CEP43: variants seen among roughly 807,000 people sequenced by gnomAD.
CEP43 encodes centrosomal protein 43, also known as FGFR1 oncogene partner.
CEP43 carries 36 observed loss-of-function variants against 52.6 expected under a neutral mutation model. The observed-to-expected ratio is 0.68, with a 90% confidence interval of 0.52 to 0.90. The LOEUF (loss-of-function observed/expected upper bound fraction) is 0.90, where lower values mean the gene tolerates loss of function less well. Among genes scored for constraint, CEP43 ranks in the 40% least tolerant of loss-of-function variants. The pLI, the probability that CEP43 is intolerant of heterozygous loss-of-function variation, is 0.00. For missense variants in CEP43, 506 were observed against 472.8 expected (o/e 1.07, Z -0.65); for synonymous variants, 192 against 172.4 (o/e 1.11, Z -0.89).
intron 1 of CEP43, 106 bp from the exon 2 acceptor site, chr6:166,999,954 C>A: frequency 1.1e-6 from 1 of 901,844 alleles, no homozygotes; most frequent in Non-Finnish European, 1.8e-6. Context: ...TTTGCACCTG[C>A]CCTCCCAGCT....
chr6:167,019,054 G>A (rs898653337), intron 7 of CEP43, among the ~76,000 whole-genome samples: 7 of 152,178 alleles, frequency 4.6e-5, no homozygotes, highest in South Asian at 4.1e-4. Flanking sequence ...GTTGAGCCAC[G>A]GCTTCCAGTC....
At chr6:167,037,052 C>T (rs1001621699) in intron 12 of CEP43, among the ~76,000 whole-genome samples, 4 of 152,276 alleles carry the variant, frequency 2.6e-5, no homozygotes, top group African/African-American at 9.6e-5. Flanking sequence ...GTGATCCCCC[C>T]GCCTTGGCCT....
chr6:167,027,220 C>T (rs1017426431), intron 10 of CEP43, among the ~76,000 whole-genome samples: 13 of 152,218 alleles, frequency 8.5e-5, no homozygotes, highest in African/African-American at 2.9e-4. Context: ...CATGTAAGTA[C>T]ATTCATTCCT....
intron 7 of CEP43, among the ~76,000 whole-genome samples, chr6:167,018,449 GC>G (rs1335375127): frequency 6.6e-6 from 1 of 151,834 alleles, no homozygotes; most frequent in East Asian, 2.0e-4. Flanking sequence ...GAGTGCAGTG[GC>G]GGCGATTACA....
intron 9 of CEP43, among the ~76,000 whole-genome samples, chr6:167,025,559 A>G (rs940479730): frequency 2.0e-5 from 3 of 152,242 alleles, no homozygotes; most frequent in Non-Finnish European, 4.4e-5. Flanking sequence ...CTTTTGAGAA[A>G]GTTTCCTAAA....
At chr6:167,032,766 G>C in intron 11 of CEP43, 124 bp downstream of exon 11, 4 of 824,434 alleles carry the variant, frequency 4.9e-6, no homozygotes, top group African/African-American at 1.7e-5. Context: ...TGTTCATATT[G>C]ATTGAAGATG....
chr6:167,044,425 G>A lies in CEP43; in HGVS notation c.*4447G>A, dbSNP rs903468194. On this transcript the variant is annotated 3_prime_UTR_variant, in exon 13 of 13. Transcript: ENST00000366847. ...TTTAGCAAGAAGACCAAGATGACAA[G>A]ATGCGCCAGGAGACTTGGCCAGAGG... 8.2e-5 allele frequency: 81 copies of A among 985,264 alleles called. No homozygotes were observed. Among genetic ancestry groups the A allele is most frequent in the Non-Finnish European group, 9.2e-5 (76 of 829,920 alleles). 61.0% of individuals were successfully genotyped at this position (985,264 alleles called of 1,614,324 possible).
intron 10 of CEP43, among the ~76,000 whole-genome samples, chr6:167,030,499 A>G (rs1780444782): frequency 6.6e-6 from 1 of 152,206 alleles, no homozygotes; most frequent in African/African-American, 2.4e-5. Flanking sequence ...TTGATTCTCA[A>G]GAGGAGAGGA....
intron 6 of CEP43, among the ~76,000 whole-genome samples, chr6:167,011,351 A>G (rs1298982532): frequency 6.6e-6 from 1 of 152,160 alleles, no homozygotes; most frequent in Non-Finnish European, 1.5e-5. Context: ...TTTTGATACA[A>G]TTTCTAAGAA....
chr6:167,025,677 A>T (rs543514518), intron 9 of CEP43, among the ~76,000 whole-genome samples: 3 of 152,302 alleles, frequency 2.0e-5, no homozygotes, highest in Admixed American at 6.5e-5. Context: ...CACATAAGAG[A>T]GCCGGCCTGT....
Position 167,042,211 on chromosome 6 carries a change from T to C in CEP43, c.*2233T>C. 1 of 1,006,778 alleles carries C rather than the reference T, an allele frequency of 9.9e-7. No homozygotes were observed. Among genetic ancestry groups the C allele is most frequent in the Non-Finnish European group, 1.2e-6 (1 of 841,710 alleles). The allele number at this position is 1,006,778 out of a possible 1,614,324, so 62.4% of individuals were successfully genotyped here. ...ACATGTACTTTTTGATTAGGTATTA[T>C]CAACTTATGAAACTTGAAGATGTGA... On this transcript the variant is annotated 3_prime_UTR_variant, in exon 13 of 13. Coordinates refer to ENST00000366847, the MANE Select transcript of CEP43 (RefSeq NM_007045.4).
chr6:167,010,555 G>A (rs1286440077), intron 5 of CEP43, among the ~76,000 whole-genome samples: 1 of 152,166 alleles, frequency 6.6e-6, no homozygotes, highest in East Asian at 1.9e-4. Flanking sequence ...ACCTGGGACA[G>A]ATTTCAGTGG....
In CEP43 at chr6:167,044,640, CTTGCTGCCCT is replaced by C. The variant is rs1456947747; in HGVS notation, c.*4664_*4673del. On this transcript the variant is annotated 3_prime_UTR_variant, in exon 13 of 13. Transcript: ENST00000366847. Reference sequence around the variant, plus strand: ...CTGATACATGTTTTTAAAAATGAATCTTGCTGCCCTTAGAAAATGAACCCCCGAACAAGGT... The same window carrying C: ...CTGATACATGTTTTTAAAAATGAATCTAGAAAATGAACCCCCGAACAAGGT... The C allele has an allele frequency of 1.3e-6, 1 of 788,550 alleles. No individual in the cohort carries two copies. Among genetic ancestry groups the C allele is most frequent in the African/African-American group, 1.9e-5 (1 of 53,356 alleles). The allele number at this position is 788,550 out of a possible 1,614,324, so 48.8% of individuals were successfully genotyped here.
intron 7 of CEP43, 61 bp downstream of exon 7, chr6:167,013,628 G>A: frequency 1.5e-6 from 2 of 1,324,592 alleles, no homozygotes; most frequent in Non-Finnish European, 1.1e-6. Flanking sequence ...CGACTCTGGG[G>A]CCTCCTGGAG....
chr6:166,999,473 G>T lies in CEP43; in HGVS notation c.61G>T (p.Val21Leu). The T allele has an allele frequency of 6.7e-7, 1 of 1,484,244 alleles. No homozygotes were observed. The highest frequency in any genetic ancestry group is 9.0e-7 in the Non-Finnish European group (1 of 1,115,264). 91.9% of individuals were successfully genotyped at this position (1,484,244 alleles called of 1,614,324 possible). Residue 21 changes from valine to leucine, a missense_variant, in exon 1 of 13, where the codon GTG (valine) becomes TTG (leucine). Val to Leu is a conservative substitution (Grantham distance 32, BLOSUM62 1). Coordinates refer to ENST00000366847, the MANE Select transcript of CEP43 (RefSeq NM_007045.4). ...EEDTELRDLL[V>L]QTLENSGVLN... is the part of the protein sequence containing the mutation. ...GGACACGGAGCTGCGGGACCTGCTG[G>T]TGCAGACGCTGGAGAACAGCGGGGT...
intron 10 of CEP43, among the ~76,000 whole-genome samples, chr6:167,028,818 T>C (rs1046532000): frequency 3.0e-4 from 45 of 152,208 alleles, no homozygotes; most frequent in African/African-American, 1.0e-3. Flanking sequence ...TTTAGACATA[T>C]TGAAATAATC....
chr6:167,035,845 G>C (rs1780573312), intron 12 of CEP43, among the ~76,000 whole-genome samples: 1 of 152,132 alleles, frequency 6.6e-6, no homozygotes, highest in Non-Finnish European at 1.5e-5. Context: ...GGGATTACAG[G>C]CGTGAGCCAC....
At position 167,029,495 on chromosome 6, in the gene CEP43, A is replaced by G. The variant is rs191288006; in HGVS notation, c.988+2880A>G. 2.2e-3 allele frequency among the ~76,000 whole-genome samples: 332 copies of G among 152,366 alleles called. 1 individual carries two copies. Among genetic ancestry groups the G allele is most frequent in the African/African-American group, 7.2e-3 (300 of 41,590 alleles). On this transcript the variant is annotated intron_variant, in intron 10 of 12. Coordinates refer to ENST00000366847, the MANE Select transcript of CEP43 (RefSeq NM_007045.4). Reference sequence around the variant, plus strand: ...AATGCTCCAATGAGCAGTTTCTCTGAGCATTACGTCCCCACTCAGAAAGTT... The same window carrying G: ...AATGCTCCAATGAGCAGTTTCTCTGGGCATTACGTCCCCACTCAGAAAGTT...
intron 5 of CEP43, among the ~76,000 whole-genome samples, chr6:167,005,405 T>C (rs1779828944): frequency 6.6e-6 from 1 of 152,242 alleles, no homozygotes; most frequent in South Asian, 2.1e-4. Context: ...AACACATTAT[T>C]TCCAACCATA....
Sources: gnomAD v4.1 joint callset for allele counts (sites outside exome capture counted in the v4.1 genomes callset) on GRCh38, gnomAD v4.1.1 for gene constraint, MANE v1.5 for transcripts, NCBI Gene and HGNC (gene_info 2026-07-23, HGNC 2026-07-21) for gene names.